PRELID2: variants seen among roughly 807,000 people sequenced by gnomAD.
PRELID2 encodes the protein PRELI domain-containing protein 2.
A neutral mutation model predicts 28.4 loss-of-function variants in PRELID2; 25 were observed. The observed-to-expected ratio is 0.88, with a 90% confidence interval of 0.64 to 1.23. PRELID2 has a LOEUF of 1.23. Ranked by LOEUF, PRELID2 falls within the 50% of genes most tolerant of loss-of-function variation. The probability of loss-of-function intolerance (pLI) is 0.00; values close to 1 mark genes in which losing one functional copy is unlikely to be tolerated. For synonymous variants in PRELID2, 76 were observed against 71.6 expected, an observed-to-expected ratio of 1.06 and a Z score of -0.31; for missense variants, 201 against 214.4, an observed-to-expected ratio of 0.94 and a Z score of 0.39.
intron 1 of PRELID2, among the ~76,000 whole-genome samples, chr5:145,548,180 A>C (rs1255646260): frequency 6.6e-6 from 1 of 152,224 alleles, no homozygotes; most frequent in Non-Finnish European, 1.5e-5. Flanking sequence ...GGAATGATAA[A>C]TCTTGTGTTA....
chr5:145,741,198 C>G (rs1395355696), intron 1 of PRELID2, among the ~76,000 whole-genome samples: 4 of 68,424 alleles, frequency 5.8e-5, no homozygotes, highest in African/African-American at 2.3e-4. Context: ...ATATACTATA[C>G]AGATATAAAT....
intron 1 of PRELID2, among the ~76,000 whole-genome samples, chr5:145,594,506 G>A (rs1016413821): frequency 5.9e-5 from 9 of 152,032 alleles, no homozygotes; most frequent in Admixed American, 1.3e-4. Context: ...TTCAAAAAAC[G>A]TATTAAAAGG....
At chr5:145,798,263 T>G (rs1752895611) in intron 4 of PRELID2, among the ~76,000 whole-genome samples, 1 of 152,120 alleles carries the variant, frequency 6.6e-6, no homozygotes, top group Non-Finnish European at 1.5e-5. Flanking sequence ...ATTATCCACA[T>G]TACGGGAATC....
intron 1 of PRELID2, among the ~76,000 whole-genome samples, chr5:145,566,562 C>A (rs1752969058): frequency 6.6e-6 from 1 of 151,804 alleles, no homozygotes; most frequent in Non-Finnish European, 1.5e-5. Flanking sequence ...GAAAAAGGCC[C>A]CACATGGTGG....
chr5:145,509,251 T>C (rs17411333), intron 1 of PRELID2, among the ~76,000 whole-genome samples: 20,381 of 152,200 alleles, frequency 0.13, 1,760 homozygotes, highest in East Asian at 0.19. Flanking sequence ...ACATACACTT[T>C]CTCGTCGAAA....
the PRELID2 span, among the ~76,000 whole-genome samples, chr5:145,410,701 C>T: frequency 5.9e-5 from 9 of 152,074 alleles, no homozygotes; most frequent in African/African-American, 2.2e-4. Flanking sequence ...TGGTCCTGCC[C>T]TTGACACATG....
chr5:145,579,366 G>A (rs17103431), intron 1 of PRELID2, among the ~76,000 whole-genome samples: 10,878 of 152,090 alleles, frequency 0.072, 583 homozygotes, highest in Admixed American at 0.18. Flanking sequence ...GCTAGTATTC[G>A]CAGATGCTAT....
chr5:145,794,323 T>A (rs1187060362), intron 5 of PRELID2, among the ~76,000 whole-genome samples: 1 of 152,194 alleles, frequency 6.6e-6, no homozygotes, highest in Non-Finnish European at 1.5e-5. Context: ...TGAGCTAGCC[T>A]GAAGTGGTTT....
chr5:145,266,206 G>C, the PRELID2 span, among the ~76,000 whole-genome samples: 1 of 152,018 alleles, frequency 6.6e-6, no homozygotes, highest in Admixed American at 6.6e-5. Flanking sequence ...GGAAGCTACT[G>C]CTACTTAGCT....
the PRELID2 span, among the ~76,000 whole-genome samples, chr5:145,373,705 C>T: frequency 4.2e-5 from 2 of 47,172 alleles, no homozygotes; most frequent in African/African-American, 8.7e-5. Flanking sequence ...TATATTACAA[C>T]ATATATAATA....
At chr5:145,723,292 A>T (rs1037002729) in intron 1 of PRELID2, among the ~76,000 whole-genome samples, 1 of 152,208 alleles carries the variant, frequency 6.6e-6, no homozygotes, top group African/African-American at 2.4e-5. Flanking sequence ...CTGTAGCCAC[A>T]GTTTTATTTT....
At chr5:145,723,293 GT>G (rs1756041785) in intron 1 of PRELID2, among the ~76,000 whole-genome samples, 1 of 152,110 alleles carries the variant, frequency 6.6e-6, no homozygotes, top group Non-Finnish European at 1.5e-5. Flanking sequence ...TGTAGCCACA[GT>G]TTTATTTTAT....
the PRELID2 span, among the ~76,000 whole-genome samples, chr5:145,449,435 C>T: frequency 6.6e-6 from 1 of 152,096 alleles, no homozygotes; most frequent in African/African-American, 2.4e-5. Context: ...TTGAACTCCC[C>T]TCAATGTTCA....
At chr5:145,569,632 A>C (rs1453378325) in intron 1 of PRELID2, among the ~76,000 whole-genome samples, 1 of 152,180 alleles carries the variant, frequency 6.6e-6, no homozygotes. Context: ...ATCTCAAAAA[A>C]CCTATGACAG....
chr5:145,769,232 T>C (rs1757957656), intron 5 of PRELID2, among the ~76,000 whole-genome samples: 1 of 151,740 alleles, frequency 6.6e-6, no homozygotes, highest in African/African-American at 2.4e-5. Context: ...CCCTCTGAGA[T>C]TTTTTTTTCT....
intron 1 of PRELID2, among the ~76,000 whole-genome samples, chr5:145,677,082 AATT>A (rs1310077325): frequency 6.6e-6 from 1 of 151,750 alleles, no homozygotes; most frequent in Non-Finnish European, 1.5e-5. Flanking sequence ...AAAATTAAGA[AATT>A]ATTAATTATT....
chr5:145,413,859 C>T, the PRELID2 span, among the ~76,000 whole-genome samples: 1 of 152,066 alleles, frequency 6.6e-6, no homozygotes, highest in Admixed American at 6.6e-5. Context: ...CTTCATGTTG[C>T]TGCATATAAC....
At chr5:145,794,603 G>A (rs921255126) in intron 5 of PRELID2, among the ~76,000 whole-genome samples, 3 of 152,132 alleles carry the variant, frequency 2.0e-5, no homozygotes, top group African/African-American at 7.2e-5. Flanking sequence ...CTAGTGCAAA[G>A]CAGGTACTCA....
intron 1 of PRELID2, among the ~76,000 whole-genome samples, chr5:145,592,884 T>A (rs916766638): frequency 8.5e-5 from 13 of 152,132 alleles, no homozygotes; most frequent in African/African-American, 3.1e-4. Flanking sequence ...TAGGCACCAA[T>A]AGTTTGACTA....
Sources: gnomAD v4.1 joint callset for allele counts (sites outside exome capture counted in the v4.1 genomes callset) on GRCh38, gnomAD v4.1.1 for gene constraint, MANE v1.5 for transcripts, NCBI Gene and HGNC (gene_info 2026-07-23, HGNC 2026-07-21) for gene names.